The following TTC7B variants were observed in gnomAD, a reference collection of about 807,000 sequenced individuals.
TTC7B encodes the protein tetratricopeptide repeat protein 7B.
In TTC7B, 28 loss-of-function variants were observed where a neutral mutation model predicts 106.8. That is an observed-to-expected ratio of 0.26 (90% CI 0.19 to 0.36). The LOEUF is 0.36. Among genes scored for constraint, TTC7B ranks in the 10% least tolerant of loss-of-function variants. TTC7B has a pLI of 1.00. For synonymous variants in TTC7B, 405 were observed against 430.6 expected (o/e 0.94, Z 0.74); for missense variants, 862 against 1,076.4 (o/e 0.80, Z 2.79).
At chr14:90,683,641 A>G (rs1361875243) in intron 7 of TTC7B, among the ~76,000 whole-genome samples, 2 of 152,152 alleles carry the variant, frequency 1.3e-5, no homozygotes, top group Non-Finnish European at 2.9e-5. Context: ...TCCCCATGAC[A>G]AAGAAAGAAG....
chr14:90,808,388 C>T lies in TTC7B; in HGVS notation c.121+7787G>A, dbSNP rs2030720975. ...TTTAACACTCATCAAGTCAGGACAG[C>T]TACAGTTTCAGATGATCATGTGATG... On this transcript the variant is annotated intron_variant, in intron 1 of 19. Transcript: ENST00000328459. This position sits in a 1 kb window ranked among gnomAD's most constrained non-coding sequence, Gnocchi z 4.2. Among the ~76,000 whole-genome samples the T allele has an allele frequency of 6.6e-6, 1 of 152,194 alleles. No individual in the cohort carries two copies.
intron 19 of TTC7B, among the ~76,000 whole-genome samples, chr14:90,561,071 C>T (rs374970489): frequency 5.9e-5 from 9 of 152,216 alleles, no homozygotes; most frequent in East Asian, 5.8e-4. Context: ...CGCTCACTTG[C>T]GCTTTGGTTC....
rs919897573 is a variant in TTC7B, at chr14:90,577,218, A to G, written c.2310+888T>C. On this transcript the variant is annotated intron_variant, in intron 19 of 19. Coordinates refer to ENST00000328459, the MANE Select transcript of TTC7B (RefSeq NM_001010854.2). The surrounding 1 kb of genome is among the most constrained non-coding windows in gnomAD (Gnocchi z 5.0). The stretch of plus-strand genomic sequence containing the variant: ...AAACAACAATTCAGAACCAAAGCCC[A>G]GCATGCAGGCCCAGGGAACGTGGCA... 3.9e-5 allele frequency among the ~76,000 whole-genome samples: 6 copies of G among 152,254 alleles called. No individual in the cohort carries two copies. The highest frequency in any genetic ancestry group is 1.4e-4 in the African/African-American group (6 of 41,478).
Position 90,807,596 on chromosome 14 carries a change from C to T in TTC7B, c.121+8579G>A, listed in dbSNP as rs111982345. On this transcript the variant is annotated intron_variant, in intron 1 of 19. Coordinates refer to ENST00000328459, the MANE Select transcript of TTC7B (RefSeq NM_001010854.2). This position sits in a 1 kb window ranked among gnomAD's most constrained non-coding sequence, Gnocchi z 4.1. The stretch of plus-strand genomic sequence containing the variant: ...CCTGCTCACTCTATTTCTTCTGATG[C>T]CCCTCTGATACCTGGTGCTGTGCCC... 6.6e-6 allele frequency among the ~76,000 whole-genome samples: 1 copy of T among 152,228 alleles called. No individual in the cohort carries two copies. The highest frequency in any genetic ancestry group is 1.5e-5 in the Non-Finnish European group (1 of 68,048).
chr14:90,804,200 T>TG (rs2030459140), intron 1 of TTC7B, among the ~76,000 whole-genome samples: 1 of 150,932 alleles, frequency 6.6e-6, no homozygotes, highest in South Asian at 2.1e-4. Context: ...CCGGGCGTGG[T>TG]GGGGGCGCCT....
chr14:90,679,496 C>A (rs4467008), intron 8 of TTC7B, among the ~76,000 whole-genome samples: 1 of 152,080 alleles, frequency 6.6e-6, no homozygotes, highest in Non-Finnish European at 1.5e-5. Flanking sequence ...TGGGCTGCCC[C>A]GGGGGTTGGC....
chr14:90,557,071 A>G (rs763172024), intron 19 of TTC7B, among the ~76,000 whole-genome samples: 2 of 151,960 alleles, frequency 1.3e-5, no homozygotes, highest in Non-Finnish European at 2.9e-5. Flanking sequence ...GGCCTGAGAC[A>G]GGGGGTCCTA....
At chr14:90,780,644 C>T in intron 3 of TTC7B, 94 bp downstream of exon 3, 1 of 1,437,404 alleles carries the variant, frequency 7.0e-7, no homozygotes, top group Non-Finnish European at 9.4e-7. Context: ...CCAGGTTCAT[C>T]ACCAGCCAAG....
rs146258573 is a variant in TTC7B at position 90,810,507 on chromosome 14, C to T, written c.121+5668G>A. Among the ~76,000 whole-genome samples the T allele has an allele frequency of 1.4e-3, 216 of 152,322 alleles. 1 individual carries two copies. The highest frequency in any genetic ancestry group is 3.5e-3 in the Admixed American group (54 of 15,292). The stretch of plus-strand genomic sequence containing the variant: ...TTAAGGAAGACATCTCCCTCTCTGG[C>T]ACTGTTTTGTCATCTATAAGAGGTT... On this transcript the variant is annotated intron_variant, in intron 1 of 19. Coordinates refer to ENST00000328459, the MANE Select transcript of TTC7B (RefSeq NM_001010854.2).
chr14:90,704,332 T>C (rs1888119994), intron 5 of TTC7B, among the ~76,000 whole-genome samples: 1 of 152,208 alleles, frequency 6.6e-6, no homozygotes, highest in South Asian at 2.1e-4. Context: ...GTTTCTACGA[T>C]GTACTACACC....
chr14:90,525,165 C>A lies in TTC7B; in HGVS notation c.*16203G>T, dbSNP rs908625859. 2.0e-5 allele frequency: 3 copies of A among 151,956 alleles called. No homozygotes were observed. The highest frequency in any genetic ancestry group is 7.3e-5 in the African/African-American group (3 of 41,342). 9.4% of individuals were successfully genotyped at this position (151,956 alleles called of 1,614,324 possible). On this transcript the variant is annotated 3_prime_UTR_variant, in exon 20 of 20. Coordinates refer to ENST00000328459, the MANE Select transcript of TTC7B (RefSeq NM_001010854.2). ...TGCTTTCCCTCACTCTAGATTAGTCCACATTTTCTAGAGTTTTCTATAAAT... is the reference window on the plus strand; with the variant it reads ...TGCTTTCCCTCACTCTAGATTAGTCAACATTTTCTAGAGTTTTCTATAAAT...
chr14:90,552,857 T>C (rs1890145140), intron 19 of TTC7B, among the ~76,000 whole-genome samples: 1 of 152,190 alleles, frequency 6.6e-6, no homozygotes, highest in Admixed American at 6.5e-5. Context: ...CCTGCTCAAA[T>C]GTCAGAACCG....
At chr14:90,653,151 G>A (rs1022011716) in intron 12 of TTC7B, among the ~76,000 whole-genome samples, 2 of 152,194 alleles carry the variant, frequency 1.3e-5, no homozygotes, top group Non-Finnish European at 2.9e-5. Flanking sequence ...GGTCACTCTT[G>A]GTACTCCCAG....
intron 7 of TTC7B, among the ~76,000 whole-genome samples, chr14:90,685,675 GT>G (rs1887226638): frequency 6.6e-6 from 1 of 152,102 alleles, no homozygotes; most frequent in Admixed American, 6.6e-5. Context: ...AACCAACCCT[GT>G]AGAAATACAA....
intron 15 of TTC7B, among the ~76,000 whole-genome samples, chr14:90,641,907 C>T (rs1386820086): frequency 6.6e-6 from 1 of 150,678 alleles, no homozygotes; most frequent in South Asian, 2.1e-4. Context: ...GAGTCCAATG[C>T]CTAATGAAAG....
chr14:90,755,615 C>T (rs746095018), intron 3 of TTC7B, among the ~76,000 whole-genome samples: 47 of 151,930 alleles, frequency 3.1e-4, no homozygotes, highest in Non-Finnish European at 5.6e-4. Flanking sequence ...GCCATGATCA[C>T]GCCACTGCAC....
rs144531281 is a variant in TTC7B at position 90,575,350 on chromosome 14, C to T, written c.2310+2756G>A. The stretch of plus-strand genomic sequence containing the variant: ...GTCCAAGGCCCCACAGCGAATGGGG[C>T]CAGAGCTGTGATTCTAACCCAGGCC... On this transcript the variant is annotated intron_variant, in intron 19 of 19. Transcript: ENST00000328459. This position sits in a 1 kb window ranked among gnomAD's most constrained non-coding sequence, Gnocchi z 5.2. Among the ~76,000 whole-genome samples the T allele has an allele frequency of 1.4e-4, 21 of 152,354 alleles. No individual in the cohort carries two copies. The East Asian group carries it at 4.0e-3, about 29-fold the overall frequency.
chr14:90,584,646 ATCT>A (rs1885990674), intron 18 of TTC7B, among the ~76,000 whole-genome samples: 4 of 151,844 alleles, frequency 2.6e-5, no homozygotes, highest in Admixed American at 2.6e-4. Flanking sequence ...CGGCCCCGAG[ATCT>A]TCTACCTCAC....
At chr14:90,613,990 G>A (rs571956900) in intron 16 of TTC7B, among the ~76,000 whole-genome samples, 23 of 152,348 alleles carry the variant, frequency 1.5e-4, no homozygotes, top group African/African-American at 5.3e-4. Flanking sequence ...GAGGCTTGGT[G>A]GTGGTGGGGC....
Sources: allele counts gnomAD v4.1 joint callset (sites outside exome capture counted in the v4.1 genomes callset), GRCh38; gene constraint gnomAD v4.1.1; non-coding constraint Gnocchi (gnomAD v3.1); transcripts MANE v1.5; gene names NCBI Gene and HGNC (gene_info 2026-07-23, HGNC 2026-07-21).